The following CNTNAP2 variants were observed in gnomAD, a reference collection of about 807,000 sequenced individuals.
The protein encoded by CNTNAP2 is contactin-associated protein-like 2.
In CNTNAP2, 98 loss-of-function variants were observed where a neutral mutation model predicts 155.2. The observed-to-expected ratio is 0.63, with a 90% confidence interval of 0.54 to 0.75. The LOEUF is 0.75. Among genes scored for constraint, CNTNAP2 ranks in the 30% least tolerant of loss-of-function variants. The pLI is 0.00. For missense variants in CNTNAP2, 1,727 were observed against 1,688.1 expected (o/e 1.02, Z -0.40); for synonymous variants, 651 against 631.2 (o/e 1.03, Z -0.47).
chr7:146,653,549 A>C (rs1057397258), intron 1 of CNTNAP2, among the ~76,000 whole-genome samples: 4 of 152,146 alleles, frequency 2.6e-5, no homozygotes, highest in Admixed American at 1.3e-4. Context: ...CTAAATCCCA[A>C]AGTGTCTTTT....
chr7:146,881,278 A>AT (rs1795545337), intron 3 of CNTNAP2, among the ~76,000 whole-genome samples: 3 of 152,056 alleles, frequency 2.0e-5, no homozygotes, highest in Admixed American at 2.0e-4. Flanking sequence ...TGTAAACCAA[A>AT]TTTTTCATGT....
chr7:147,888,331 A>C (rs1799632515), intron 13 of CNTNAP2, among the ~76,000 whole-genome samples: 1 of 152,210 alleles, frequency 6.6e-6, no homozygotes, highest in Non-Finnish European at 1.5e-5. Flanking sequence ...AATGTTAGAG[A>C]TAAATAGCAG....
At chr7:146,854,822 A>G (rs1794946548) in intron 3 of CNTNAP2, among the ~76,000 whole-genome samples, 1 of 152,176 alleles carries the variant, frequency 6.6e-6, no homozygotes, top group Admixed American at 6.5e-5. Flanking sequence ...AATGACAGGT[A>G]AACCAAGCTG....
intron 1 of CNTNAP2, among the ~76,000 whole-genome samples, chr7:146,505,289 A>G (rs532443037): frequency 1.3e-5 from 2 of 152,316 alleles, no homozygotes; most frequent in East Asian, 3.9e-4. Context: ...CCATTCCACA[A>G]TGCTGTTGGA....
Position 147,007,888 on chromosome 7 carries a change from T to C in CNTNAP2, c.403-36019T>C, listed in dbSNP as rs886548897. ...CTTAATAGCTTTTGACATAATAAAATACACTAAAATAAAATAAATGAACTT... is the reference window on the plus strand; with the variant it reads ...CTTAATAGCTTTTGACATAATAAAACACACTAAAATAAAATAAATGAACTT... On this transcript the variant is annotated intron_variant, in intron 3 of 23. Transcript: ENST00000361727. 5.3e-5 allele frequency among the ~76,000 whole-genome samples: 8 copies of C among 152,146 alleles called. No individual in the cohort carries two copies. The East Asian group carries it at 7.7e-4, about 15-fold the overall frequency.
At chr7:147,093,072 CATAT>C (rs10596701) in intron 4 of CNTNAP2, among the ~76,000 whole-genome samples, 58 of 144,418 alleles carry the variant, frequency 4.0e-4, no homozygotes, top group East Asian at 6.1e-4. Flanking sequence ...AATACAAATA[CATAT>C]ATATATATAT....
chr7:147,532,029 G>C (rs967254272), intron 11 of CNTNAP2, among the ~76,000 whole-genome samples: 2 of 151,872 alleles, frequency 1.3e-5, no homozygotes, highest in Non-Finnish European at 2.9e-5. Flanking sequence ...GGATGGTCTC[G>C]ATCTCCTGAC....
chr7:147,359,030 C>A (rs1034590288), intron 9 of CNTNAP2, among the ~76,000 whole-genome samples: 1 of 152,170 alleles, frequency 6.6e-6, no homozygotes, highest in African/African-American at 2.4e-5. Context: ...TGGCACACTT[C>A]ATTTTAAACT....
chr7:148,037,053 T>C (rs532965938), intron 15 of CNTNAP2, among the ~76,000 whole-genome samples: 1 of 152,298 alleles, frequency 6.6e-6, no homozygotes, highest in African/African-American at 2.4e-5. Flanking sequence ...TAAAATTTTA[T>C]CCTAGGAAGT....
At chr7:146,501,817 G>A (rs1797304383) in intron 1 of CNTNAP2, among the ~76,000 whole-genome samples, 1 of 152,042 alleles carries the variant, frequency 6.6e-6, no homozygotes, top group African/African-American at 2.4e-5. Flanking sequence ...AAAGGCAGAG[G>A]GTGATTTGAA....
intron 10 of CNTNAP2, among the ~76,000 whole-genome samples, chr7:147,446,210 C>G (rs550316071): frequency 2.0e-5 from 3 of 151,634 alleles, no homozygotes; most frequent in South Asian, 2.1e-4. Context: ...CTCCTCCCCC[C>G]ACCCCTCACT....
At chr7:148,173,004 A>G (rs1206789427) in intron 18 of CNTNAP2, among the ~76,000 whole-genome samples, 1 of 152,196 alleles carries the variant, frequency 6.6e-6, no homozygotes, top group African/African-American at 2.4e-5. Context: ...GATGCCTTTG[A>G]GTGGCTCTCA....
At chr7:148,081,480 T>G (rs909499585) in intron 15 of CNTNAP2, among the ~76,000 whole-genome samples, 22 of 152,068 alleles carry the variant, frequency 1.4e-4, no homozygotes, top group Non-Finnish European at 2.9e-5. Flanking sequence ...AAGACTAGAC[T>G]GGCCTAGCCT....
At chr7:147,045,240 C>T (rs1040444710) in intron 4 of CNTNAP2, among the ~76,000 whole-genome samples, 1 of 152,092 alleles carries the variant, frequency 6.6e-6, no homozygotes. Context: ...TTCCTATAAA[C>T]CCACAAAAAT....
At chr7:147,860,172 C>T (rs1460647971) in intron 13 of CNTNAP2, among the ~76,000 whole-genome samples, 2 of 152,256 alleles carry the variant, frequency 1.3e-5, no homozygotes, top group South Asian at 2.1e-4. Flanking sequence ...TGCCTGTAAT[C>T]TCAACACTTT....
At chr7:148,115,215 G>A (rs1247486489) in intron 15 of CNTNAP2, among the ~76,000 whole-genome samples, 2 of 152,178 alleles carry the variant, frequency 1.3e-5, no homozygotes, top group Non-Finnish European at 2.9e-5. Flanking sequence ...ATAACTGATG[G>A]AACTACTTTT....
chr7:146,676,074 T>C (rs549265271), intron 1 of CNTNAP2, among the ~76,000 whole-genome samples: 1 of 152,184 alleles, frequency 6.6e-6, no homozygotes, highest in Non-Finnish European at 1.5e-5. Flanking sequence ...ATATTTTCTA[T>C]AATCTTGTGT....
intron 11 of CNTNAP2, among the ~76,000 whole-genome samples, chr7:147,501,466 C>G (rs1310163163): frequency 1.3e-5 from 2 of 152,130 alleles, no homozygotes; most frequent in African/African-American, 2.4e-5. Flanking sequence ...ATGACATGCT[C>G]TTATAGAGAG....
intron 10 of CNTNAP2, among the ~76,000 whole-genome samples, chr7:147,480,181 C>A (rs1218520207): frequency 2.0e-5 from 3 of 151,924 alleles, no homozygotes; most frequent in Non-Finnish European, 4.4e-5. Flanking sequence ...TCTTAATAAG[C>A]AAAAATAAAA....
Sources: allele counts gnomAD v4.1 joint callset (sites outside exome capture counted in the v4.1 genomes callset), GRCh38; gene constraint gnomAD v4.1.1; transcripts MANE v1.5; gene names NCBI Gene and HGNC (gene_info 2026-07-23, HGNC 2026-07-21).